ATP2B2: variants seen among roughly 807,000 people sequenced by gnomAD.
The protein encoded by ATP2B2 is plasma membrane calcium-transporting ATPase 2.
A neutral mutation model predicts 120.0 loss-of-function variants in ATP2B2; 15 were observed. That is an observed-to-expected ratio of 0.12 (90% CI 0.08 to 0.19). The LOEUF (loss-of-function observed/expected upper bound fraction) is 0.19. Ranked by LOEUF, ATP2B2 falls within the 10% of genes least tolerant of loss-of-function variation. The pLI, the probability that ATP2B2 is intolerant of heterozygous loss-of-function variation, is 1.00. For synonymous variants in ATP2B2, 694 were observed against 700.3 expected, an observed-to-expected ratio of 0.99 and a Z score of 0.14; for missense variants, 1,045 against 1,719.8, an observed-to-expected ratio of 0.61 and a Z score of 6.94.
intron 9 of ATP2B2, 136 bp from the exon 10 acceptor site, chr3:10,378,546 A>G (rs1418223061): frequency 3.3e-6 from 4 of 1,205,878 alleles, no homozygotes; most frequent in African/African-American, 3.0e-5. Flanking sequence ...TGAGCCCCGC[A>G]TGGCTGGTGC....
chr3:10,514,329 G>A (rs2066833739), intron 3 of ATP2B2, among the ~76,000 whole-genome samples: 1 of 152,170 alleles, frequency 6.6e-6, no homozygotes, highest in Non-Finnish European at 1.5e-5. Flanking sequence ...GAAGGAGGAG[G>A]ACAGACAGGA....
At chr3:10,368,318 A>T (rs1337043356) in intron 12 of ATP2B2, among the ~76,000 whole-genome samples, 1 of 152,152 alleles carries the variant, frequency 6.6e-6, no homozygotes. Context: ...GGTATGGGCC[A>T]TGGGACTGGA....
chr3:10,395,342 C>G (rs1300623499), intron 5 of ATP2B2, among the ~76,000 whole-genome samples: 1 of 152,218 alleles, frequency 6.6e-6, no homozygotes, highest in Non-Finnish European at 1.5e-5. Flanking sequence ...GCTGCAGGCA[C>G]AATTGGCAGA....
rs368361772 is a variant in ATP2B2 at position 10,340,447 on chromosome 3, C to T, written c.3129+46G>A. 2.0e-5 allele frequency: 32 copies of T among 1,613,940 alleles called. No individual in the cohort carries two copies. The highest frequency in any genetic ancestry group is 1.5e-4 in the African/African-American group (11 of 75,042). ...CAGGGTCCTGCCCAGGGGCTCCAGC[C>T]GCTTGCTGCCCACCCCGGGCCTGGT... On this transcript the variant is annotated intron_variant, in intron 20 of 22. Coordinates refer to ENST00000360273, the MANE Select transcript of ATP2B2 (RefSeq NM_001001331.4). The surrounding 1 kb of genome is among the most constrained non-coding windows in gnomAD (Gnocchi z 5.0).
chr3:10,574,332 C>A (rs2068194423), intron 2 of ATP2B2, among the ~76,000 whole-genome samples: 1 of 152,164 alleles, frequency 6.6e-6, no homozygotes, highest in Admixed American at 6.5e-5. Context: ...CTGAGCTGTG[C>A]CCCGGGAGGC....
upstream of ATP2B2, among the ~76,000 whole-genome samples, chr3:10,509,621 G>A (rs2066719390): frequency 6.6e-6 from 1 of 152,198 alleles, no homozygotes; most frequent in Non-Finnish European, 1.5e-5. Context: ...CCTGCCTAAA[G>A]TTACCCAAGT....
intron 1 of ATP2B2, among the ~76,000 whole-genome samples, chr3:10,665,252 G>A (rs1450060173): frequency 6.6e-6 from 1 of 152,050 alleles, no homozygotes; most frequent in East Asian, 1.9e-4. Context: ...TCTTGCTTAT[G>A]GAGCTCTGGC....
chr3:10,576,702 A>C (rs532256425), intron 2 of ATP2B2, among the ~76,000 whole-genome samples: 1 of 152,216 alleles, frequency 6.6e-6, no homozygotes, highest in South Asian at 2.1e-4. Context: ...TTAAAGGTCC[A>C]GAGTCCTTTT....
intron 1 of ATP2B2, among the ~76,000 whole-genome samples, chr3:10,498,727 C>G (rs4684698): frequency 0.43 from 65,937 of 152,080 alleles, 15,354 homozygotes; most frequent in African/African-American, 0.62. Context: ...TTTCTTCCTT[C>G]AAAGCTACAT....
chr3:10,380,749 A>G (rs1313831178), intron 8 of ATP2B2, among the ~76,000 whole-genome samples: 5 of 152,156 alleles, frequency 3.3e-5, no homozygotes, highest in Non-Finnish European at 7.3e-5. Flanking sequence ...TCTTCATTTC[A>G]CCACCAACTA....
intron 22 of ATP2B2, among the ~76,000 whole-genome samples, chr3:10,330,584 C>T (rs1352059295): frequency 6.6e-6 from 1 of 152,254 alleles, no homozygotes; most frequent in Non-Finnish European, 1.5e-5. Flanking sequence ...TAGTCGGCTG[C>T]TGTGTGCAGG....
intron 1 of ATP2B2, among the ~76,000 whole-genome samples, chr3:10,646,781 G>A (rs2070332100): frequency 6.6e-6 from 1 of 152,196 alleles, no homozygotes; most frequent in Admixed American, 6.5e-5. Context: ...ATCATTGTGT[G>A]TTTATTGAGC....
In ATP2B2 at chr3:10,357,695, C is replaced by T. The variant is rs377443832; in HGVS notation, c.2136+996G>A. Among the ~76,000 whole-genome samples the T allele has an allele frequency of 2.0e-5, 3 of 152,196 alleles. No individual in the cohort carries two copies. The East Asian group carries it at 5.8e-4, about 29-fold the overall frequency. On this transcript the variant is annotated intron_variant, in intron 14 of 22. Coordinates refer to ENST00000360273, the MANE Select transcript of ATP2B2 (RefSeq NM_001001331.4). ...CCAGCCAGGGCCTGGCCAGGGCATCCGGTCTGGACCTAGCAGCTGAGTGAG... is the reference window on the plus strand; with the variant it reads ...CCAGCCAGGGCCTGGCCAGGGCATCTGGTCTGGACCTAGCAGCTGAGTGAG...
intron 14 of ATP2B2, among the ~76,000 whole-genome samples, chr3:10,354,315 G>A (rs2060654944): frequency 6.6e-6 from 1 of 152,094 alleles, no homozygotes. Flanking sequence ...CAGAGGCATC[G>A]ATCCAGTTGA....
At chr3:10,469,685 G>C (rs2287442) in intron 1 of ATP2B2, among the ~76,000 whole-genome samples, 5 of 152,172 alleles carry the variant, frequency 3.3e-5, no homozygotes, top group Non-Finnish European at 7.4e-5. Context: ...GCCTGACCAC[G>C]TGCTCCATCT....
chr3:10,560,006 C>T (rs958056225), intron 2 of ATP2B2, among the ~76,000 whole-genome samples: 2 of 152,210 alleles, frequency 1.3e-5, no homozygotes, highest in Non-Finnish European at 2.9e-5. Flanking sequence ...AGATGCTGGC[C>T]TCTTGCAGCC....
At chr3:10,464,961 C>A (rs1002777490) in intron 1 of ATP2B2, among the ~76,000 whole-genome samples, 1 of 152,236 alleles carries the variant, frequency 6.6e-6, no homozygotes, top group Non-Finnish European at 1.5e-5. Flanking sequence ...CACCTCTACC[C>A]CAGGGATGGA....
chr3:10,668,179 T>C (rs1351250822), intron 1 of ATP2B2, among the ~76,000 whole-genome samples: 1 of 152,264 alleles, frequency 6.6e-6, no homozygotes, highest in African/African-American at 2.4e-5. Flanking sequence ...ACCAATGTCC[T>C]GCACGTTAGA....
intron 2 of ATP2B2, among the ~76,000 whole-genome samples, chr3:10,579,522 T>C (rs1482998947): frequency 1.3e-5 from 2 of 151,980 alleles, no homozygotes; most frequent in Non-Finnish European, 2.9e-5. Flanking sequence ...AAAAATACAA[T>C]AATTAGCTGG....
Sources: allele counts gnomAD v4.1 joint callset (sites outside exome capture counted in the v4.1 genomes callset), GRCh38; gene constraint gnomAD v4.1.1; non-coding constraint Gnocchi (gnomAD v3.1); transcripts MANE v1.5; gene names NCBI Gene and HGNC (gene_info 2026-07-23, HGNC 2026-07-21).